SYNE2: variants seen among roughly 807,000 people sequenced by gnomAD.
SYNE2 encodes spectrin repeat containing nuclear envelope protein 2.
SYNE2 carries 431 observed loss-of-function variants against 856.3 expected under a neutral mutation model. The observed-to-expected ratio is 0.50, with a 90% CI of 0.47 to 0.55. SYNE2 has a LOEUF of 0.55. Ranked by LOEUF, SYNE2 falls within the 20% of genes least tolerant of loss-of-function variation. The probability of loss-of-function intolerance (pLI) is 0.00; values close to 1 mark genes in which losing one functional copy is unlikely to be tolerated. For synonymous variants in SYNE2, 2,923 were observed against 2,872.3 expected (o/e 1.02, Z -0.56); for missense variants, 8,129 against 8,023.2 (o/e 1.01, Z -0.50).
intron 99 of SYNE2, among the ~76,000 whole-genome samples, chr14:64,200,837 T>G (rs1326626353): frequency 6.6e-6 from 1 of 152,214 alleles, no homozygotes; most frequent in Non-Finnish European, 1.5e-5. Flanking sequence ...ATTTTATAGA[T>G]GGCATTAAAC....
At chr14:63,893,580 T>G (rs2095185189) in intron 1 of SYNE2, among the ~76,000 whole-genome samples, 1 of 152,140 alleles carries the variant, frequency 6.6e-6, no homozygotes, top group South Asian at 2.1e-4. Context: ...AGAGAAACTT[T>G]CTTCAACAAC....
intron 65 of SYNE2, among the ~76,000 whole-genome samples, chr14:64,109,009 A>G (rs2097788664): frequency 6.6e-6 from 1 of 151,976 alleles, no homozygotes; most frequent in Non-Finnish European, 1.5e-5. Flanking sequence ...CCGGATGGCT[A>G]GGACCACAGG....
intron 1 of SYNE2, among the ~76,000 whole-genome samples, chr14:63,880,668 T>G (rs2094838140): frequency 6.6e-6 from 1 of 150,724 alleles, no homozygotes; most frequent in South Asian, 2.1e-4. Context: ...TCTATTGTCT[T>G]TAATTTTTTT....
At chr14:64,136,345 T>C (rs547739821) in intron 78 of SYNE2, among the ~76,000 whole-genome samples, 102 of 150,560 alleles carry the variant, frequency 6.8e-4, no homozygotes, top group African/African-American at 2.3e-3. Context: ...TTCAGAGATG[T>C]TTTAAAGGTG....
chr14:64,186,333 C>T (rs528965451), intron 96 of SYNE2, 91 bp from the exon 97 acceptor site: 2 of 1,544,138 alleles, frequency 1.3e-6, no homozygotes, highest in African/African-American at 1.4e-5. Context: ...TCCCCTCCCC[C>T]AGAGTCTAAT....
chr14:63,959,428 G>C (rs1280911738), intron 8 of SYNE2, among the ~76,000 whole-genome samples: 1 of 151,154 alleles, frequency 6.6e-6, no homozygotes, highest in Non-Finnish European at 1.5e-5. Flanking sequence ...CTCCTGAGTA[G>C]CTGGGATTAC....
chr14:64,123,077 C>A, intron 70 of SYNE2, among the ~76,000 whole-genome samples: 1 of 145,770 alleles, frequency 6.9e-6, no homozygotes, highest in South Asian at 2.2e-4. Context: ...CCAGCCAGGG[C>A]AACGAGAGTG....
At chr14:63,927,172 C>T (rs182876744) in intron 2 of SYNE2, among the ~76,000 whole-genome samples, 6 of 152,238 alleles carry the variant, frequency 3.9e-5, no homozygotes, top group East Asian at 3.9e-4. Flanking sequence ...TCGAGTAATT[C>T]GGGTAAGTTT....
At chr14:63,844,223 A>C (rs534759122) in intron 1 of SYNE2, among the ~76,000 whole-genome samples, 1 of 151,818 alleles carries the variant, frequency 6.6e-6, no homozygotes, top group Non-Finnish European at 1.5e-5. Context: ...TGATCTTTTC[A>C]CTCTCTCCAT....
Position 64,048,162 on chromosome 14 carries a change from A to G in SYNE2, c.7377+7A>G, listed in dbSNP as rs1161248005. The stretch of plus-strand genomic sequence containing the variant: ...ACAATTAGAAGAGATAGAGGTATGG[A>G]AACATAAAAACACTGACAACATGAT... On this transcript the variant is annotated splice_region_variant and intron_variant, in intron 46 of 115. Coordinates refer to ENST00000555002, the MANE Select transcript of SYNE2 (RefSeq NM_182914.3). 6.2e-7 allele frequency: 1 copy of G among 1,611,286 alleles called. No homozygotes were observed. Among genetic ancestry groups the G allele is most frequent in the African/African-American group, 1.3e-5 (1 of 74,846 alleles).
At chr14:63,887,002 ACCAGGCATGGTGGCTCATGCCTGTAATC>A (rs966166597) in intron 1 of SYNE2, among the ~76,000 whole-genome samples, 3 of 152,120 alleles carry the variant, frequency 2.0e-5, no homozygotes, top group Non-Finnish European at 4.4e-5. Flanking sequence ...AGAATTTGTG[ACCAGGCATGGTGGCTCATGCCTGTAATC>A]CCAGGACTTT....
chr14:63,919,903 G>A (rs1299639247), intron 2 of SYNE2, among the ~76,000 whole-genome samples: 2 of 149,750 alleles, frequency 1.3e-5, no homozygotes, highest in East Asian at 2.0e-4. Context: ...AGTGGAGAGA[G>A]TCACTTGATT....
intron 14 of SYNE2, 55 bp from the exon 15 acceptor site, chr14:63,980,599 C>A: frequency 8.0e-7 from 1 of 1,251,364 alleles, no homozygotes; most frequent in Non-Finnish European, 1.2e-6. Flanking sequence ...ATCTGGATTT[C>A]TTGGCACAAT....
At chr14:63,815,660 C>T (rs978586315) in intron 1 of SYNE2, among the ~76,000 whole-genome samples, 74 of 152,040 alleles carry the variant, frequency 4.9e-4, no homozygotes, top group Non-Finnish European at 9.6e-4. Context: ...CTGCCCTTTT[C>T]CCAAAGCTCT....
At position 64,134,172 on chromosome 14, in the gene SYNE2, G is replaced by A; in HGVS notation, c.14618G>A (p.Arg4873Lys). ...AGTTTGGTGGAAGAAACAGAGGAAA[G>A]ATTAGTGGAAAGGATTTCATTTTAC... ...SVSLVEETEERLVERISFYQQ... is the reference protein window; with the variant it reads ...SVSLVEETEEKLVERISFYQQ... The change falls in exon 78 of 116, where the codon AGA becomes AAA. Residue 4873 changes from arginine to lysine, a missense_variant. By Grantham distance (26) the Arg-to-Lys change is conservative. Coordinates refer to ENST00000555002, the MANE Select transcript of SYNE2 (RefSeq NM_182914.3). 6.2e-7 allele frequency: 1 copy of A among 1,614,132 alleles called. No individual in the cohort carries two copies. Among genetic ancestry groups the A allele is most frequent in the Non-Finnish European group, 8.5e-7 (1 of 1,179,980 alleles).
intron 96 of SYNE2, among the ~76,000 whole-genome samples, chr14:64,179,496 A>C (rs1208339303): frequency 1.3e-5 from 2 of 152,196 alleles, no homozygotes; most frequent in Admixed American, 6.5e-5. Flanking sequence ...TTGGCACCTA[A>C]TGCACATTCA....
Position 64,209,929 on chromosome 14 carries a change from C to G in SYNE2, c.18541-13C>G, listed in dbSNP as rs374563436. 83 of 1,613,974 alleles carry G rather than the reference C, an allele frequency of 5.1e-5. No individual in the cohort carries two copies. The highest frequency in any genetic ancestry group is 1.9e-5 in the Non-Finnish European group (22 of 1,180,044). On this transcript the variant is annotated splice_polypyrimidine_tract_variant and intron_variant, in intron 102 of 115. Transcript: ENST00000555002. ...CTGCATGCTTTGGCTCTGACCCCTC[C>G]CATGTGATGCAGGCCTTTCAGCGGC...
chr14:64,174,924 A>T lies in SYNE2; in HGVS notation c.17236-20A>T, dbSNP rs770313980. ...AACACATCAGAAACCTAAGCAAATT[A>T]CTTCTCTTTTTTTTCTTAGAATAAA... On this transcript the variant is annotated intron_variant, in intron 94 of 115. Transcript: ENST00000555002. The T allele has an allele frequency of 1.9e-6, 3 of 1,610,654 alleles. No homozygotes were observed. Among genetic ancestry groups the T allele is most frequent in the South Asian group, 1.1e-5 (1 of 90,986 alleles).
At chr14:63,772,646 G>A (rs1284512874) in intron 1 of SYNE2, among the ~76,000 whole-genome samples, 1 of 151,640 alleles carries the variant, frequency 6.6e-6, no homozygotes, top group Non-Finnish European at 1.5e-5. Context: ...GGGAGGCTGA[G>A]GCAGGAGAAT....
Sources: gnomAD v4.1 joint callset for allele counts (sites outside exome capture counted in the v4.1 genomes callset) on GRCh38, gnomAD v4.1.1 for gene constraint, MANE v1.5 for transcripts, NCBI Gene and HGNC (gene_info 2026-07-23, HGNC 2026-07-21) for gene names.